The following GALNT3 variants were observed in gnomAD, a reference collection of about 807,000 sequenced individuals.
GALNT3 encodes the protein polypeptide N-acetylgalactosaminyltransferase 3.
A neutral mutation model predicts 69.8 loss-of-function variants in GALNT3; 51 were observed. That is an observed-to-expected ratio of 0.73 (90% CI 0.58 to 0.92). The LOEUF is 0.92. Among genes scored for constraint, GALNT3 ranks in the 40% least tolerant of loss-of-function variants. GALNT3 has a pLI of 0.00. For synonymous variants in GALNT3, 265 were observed against 248.5 expected, an observed-to-expected ratio of 1.07 and a Z score of -0.63; for missense variants, 711 against 760.0, an observed-to-expected ratio of 0.94 and a Z score of 0.76.
intron 4 of GALNT3, 142 bp downstream of exon 4, chr2:165,761,763 T>G: frequency 1.1e-6 from 1 of 869,966 alleles, no homozygotes; most frequent in Non-Finnish European, 2.0e-6. Flanking sequence ...CTGCTTGGGC[T>G]GTCATTGCTA....
At chr2:165,775,724 G>C (rs1479045843) in intron 1 of GALNT3, among the ~76,000 whole-genome samples, 1 of 152,160 alleles carries the variant, frequency 6.6e-6, no homozygotes, top group Non-Finnish European at 1.5e-5. Flanking sequence ...TGTGGGGGCA[G>C]GGCATATACT....
chr2:165,758,884 C>T lies in GALNT3; in HGVS notation c.1074-20G>A. 1 of 1,435,812 alleles carries T rather than the reference C, an allele frequency of 7.0e-7. No individual in the cohort carries two copies. The highest frequency in any genetic ancestry group is 9.8e-7 in the Non-Finnish European group (1 of 1,017,962). 88.9% of individuals were successfully genotyped at this position (1,435,812 alleles called of 1,614,324 possible). Reference sequence around the variant, plus strand: ...GGTGTTCTGAAAAATAATCCATTGTCAAATTTTGTTATAAAAACTAAACAA... The same window carrying T: ...GGTGTTCTGAAAAATAATCCATTGTTAAATTTTGTTATAAAAACTAAACAA... On this transcript the variant is annotated intron_variant, in intron 5 of 10. Coordinates refer to ENST00000392701, the MANE Select transcript of GALNT3 (RefSeq NM_004482.4).
At chr2:165,768,263 C>G (rs924545506) in intron 2 of GALNT3, among the ~76,000 whole-genome samples, 1 of 152,184 alleles carries the variant, frequency 6.6e-6, no homozygotes, top group African/African-American at 2.4e-5. Context: ...TTTTCACTTA[C>G]TTAGCGATTA....
Position 165,770,808 on chromosome 2 carries a change from C to A in GALNT3, c.-108G>T. Reference sequence around the variant, plus strand: ...GAAGAAGGTATCTTTAATGGTAGTACCTATAAACAGAAATGATCGATGGTA... The same window carrying A: ...GAAGAAGGTATCTTTAATGGTAGTAACTATAAACAGAAATGATCGATGGTA... On this transcript the variant is annotated splice_region_variant and 5_prime_UTR_variant, in exon 2 of 11. Transcript: ENST00000392701. 2.4e-6 allele frequency: 3 copies of A among 1,224,630 alleles called. No homozygotes were observed. Among genetic ancestry groups the A allele is most frequent in the South Asian group, 2.7e-5 (2 of 73,834 alleles). The allele number at this position is 1,224,630 out of a possible 1,614,324, so 75.9% of individuals were successfully genotyped here.
chr2:165,793,780 C>G (rs908025929), intron 1 of GALNT3: 1 of 152,828 alleles, frequency 6.5e-6, no homozygotes, highest in Non-Finnish European at 1.5e-5. Context: ...GCGGGGGCAC[C>G]GTGGGCGAGA....
chr2:165,763,718 A>T (rs892336939), intron 3 of GALNT3, among the ~76,000 whole-genome samples: 10 of 152,128 alleles, frequency 6.6e-5, no homozygotes, highest in Admixed American at 2.6e-4. Flanking sequence ...TTAAAAAAAA[A>T]TTTACTTACC....
intron 9 of GALNT3, among the ~76,000 whole-genome samples, chr2:165,751,944 A>T (rs1688364369): frequency 6.6e-6 from 1 of 152,168 alleles, no homozygotes; most frequent in Admixed American, 6.6e-5. Flanking sequence ...AGCAAAATAA[A>T]ATCAATAGCT....
At position 165,792,787 on chromosome 2, in the gene GALNT3, TA is replaced by T. The variant is rs777859899; in HGVS notation, c.-109+1227del. Among the ~76,000 whole-genome samples the T allele has an allele frequency of 2.0e-3, 308 of 151,870 alleles. 1 individual carries two copies. Among genetic ancestry groups the T allele is most frequent in the Non-Finnish European group, 3.1e-3 (212 of 67,926 alleles). On this transcript the variant is annotated intron_variant, in intron 1 of 10. Coordinates refer to ENST00000392701, the MANE Select transcript of GALNT3 (RefSeq NM_004482.4). ...AGATTTCAGATATTAAAAGTTAAAT[TA>T]AAAAAAAGAATCTAATGGCAGCGTG...
In GALNT3 at chr2:165,749,858, T is replaced by C; in HGVS notation, c.1663A>G (p.Asn555Asp). Residue 555 changes from asparagine to aspartate, a missense_variant, in exon 10 of 11, where the codon AAC (asparagine) becomes GAC (aspartate). Asn to Asp is a conservative substitution (Grantham distance 23). Coordinates refer to ENST00000392701, the MANE Select transcript of GALNT3 (RefSeq NM_004482.4). The part of the protein sequence containing the change: ...EYSAQHEIRH[N>D]IQKELCLHAA... ...TGAAGACATAATTCCTTCTGGATGT[T>C]GTGCCGAATTTCATGTTGAGCAGAG... The C allele has an allele frequency of 6.2e-7, 1 of 1,613,700 alleles. No individual in the cohort carries two copies. The highest frequency in any genetic ancestry group is 8.5e-7 in the Non-Finnish European group (1 of 1,179,662).
rs1688297284 is a variant in GALNT3 at position 165,748,386 on chromosome 2, A to C, written c.*395T>G. 3.8e-6 allele frequency: 1 copy of C among 265,824 alleles called. No individual in the cohort carries two copies. The highest frequency in any genetic ancestry group is 7.2e-6 in the Non-Finnish European group (1 of 138,466). 16.5% of individuals were successfully genotyped at this position (265,824 alleles called of 1,614,324 possible). A position where few individuals can be genotyped will look rare whatever the true frequency, so the allele number is the denominator to read the frequency against. On this transcript the variant is annotated 3_prime_UTR_variant, in exon 11 of 11. Transcript: ENST00000392701. ...TCTATTTTTATGTAGTTAAAAAAAT[A>C]CAGTAACAAATCTTTCTTCCTATCC...
chr2:165,749,910 C>G lies in GALNT3; in HGVS notation c.1627-16G>C, dbSNP rs1056014685. The G allele has an allele frequency of 6.2e-7, 1 of 1,612,678 alleles. No individual in the cohort carries two copies. Among genetic ancestry groups the G allele is most frequent in the African/African-American group, 1.3e-5 (1 of 74,858 alleles). On this transcript the variant is annotated splice_polypyrimidine_tract_variant and intron_variant, in intron 9 of 10. Transcript: ENST00000392701. ...ATTCAAAGTACTATGGAAGGAATAG[C>G]ACTGTTACTGACAAAAGCAACCCAT...
chr2:165,771,570 A>T (rs1688753846), intron 1 of GALNT3: 1 of 152,214 alleles, frequency 6.6e-6, no homozygotes, highest in African/African-American at 2.4e-5. Context: ...TATTGCTTGC[A>T]ATTGACCCTA....
At chr2:165,782,717 G>T (rs1683138998) in intron 1 of GALNT3, among the ~76,000 whole-genome samples, 1 of 152,108 alleles carries the variant, frequency 6.6e-6, no homozygotes, top group South Asian at 2.1e-4. Flanking sequence ...GTCCCCCTAG[G>T]AATTAGTATG....
At chr2:165,772,446 G>A (rs975834864) in intron 1 of GALNT3, among the ~76,000 whole-genome samples, 14 of 151,900 alleles carry the variant, frequency 9.2e-5, no homozygotes, top group African/African-American at 3.4e-4. Flanking sequence ...TTAGTCAAAT[G>A]TGGTGGTGCA....
At chr2:165,749,460 C>G (rs1206559864) in intron 10 of GALNT3, among the ~76,000 whole-genome samples, 2 of 151,836 alleles carry the variant, frequency 1.3e-5, no homozygotes, top group African/African-American at 4.8e-5. Flanking sequence ...TATAAGAAAC[C>G]CTAAATAGTA....
At chr2:165,765,090 C>T in intron 2 of GALNT3, 34 bp from the exon 3 acceptor site, 1 of 1,560,414 alleles carries the variant, frequency 6.4e-7, no homozygotes. Flanking sequence ...AAAACAATTA[C>T]AAATTTTATT....
intron 9 of GALNT3, 124 bp from the exon 10 acceptor site, chr2:165,750,018 A>C: frequency 1.1e-6 from 1 of 893,888 alleles, no homozygotes; most frequent in South Asian, 1.4e-5. Context: ...TAATACAATA[A>C]AAATAGTTAT....
rs1683170537 is a variant in GALNT3 at position 165,784,073 on chromosome 2, A to G, written c.-109+9942T>C. Among the ~76,000 whole-genome samples, 3 of 152,172 alleles carry G rather than the reference A, an allele frequency of 2.0e-5. No homozygotes were observed. The South Asian group carries it at 6.2e-4, about 32-fold the overall frequency. ...GTTGGAAATAAACCGGTCTCAGCCT[A>G]AACTTTAATTCTTCTATCAACAGCT... is the stretch of plus-strand genomic sequence containing the variant. On this transcript the variant is annotated intron_variant, in intron 1 of 10. Transcript: ENST00000392701.
At chr2:165,761,453 T>C (rs1469071129) in intron 4 of GALNT3, among the ~76,000 whole-genome samples, 1 of 151,992 alleles carries the variant, frequency 6.6e-6, no homozygotes, top group African/African-American at 2.4e-5. Flanking sequence ...CTCAAATGAT[T>C]CACCAACGCC....
Sources: gnomAD v4.1 joint callset for allele counts (sites outside exome capture counted in the v4.1 genomes callset) on GRCh38, gnomAD v4.1.1 for gene constraint, MANE v1.5 for transcripts, NCBI Gene and HGNC (gene_info 2026-07-23, HGNC 2026-07-21) for gene names.